The following GFRA1 variants were observed in gnomAD, a reference collection of about 807,000 sequenced individuals.
GFRA1 encodes GDNF family receptor alpha-1.
Under a neutral mutation model 51.6 loss-of-function variants are expected in GFRA1, and 16 were observed. The ratio of observed to expected loss-of-function variants is 0.31; its 90% CI spans 0.21 to 0.47. The LOEUF (loss-of-function observed/expected upper bound fraction) is 0.47, where lower values mean the gene tolerates loss of function less well. GFRA1 is among the 20% of genes least tolerant of loss of function. GFRA1 has a pLI of 1.00. For synonymous variants in GFRA1, 270 were observed against 241.3 expected, an observed-to-expected ratio of 1.12 and a Z score of -1.10; for missense variants, 530 against 594.3, an observed-to-expected ratio of 0.89 and a Z score of 1.13.
At chr10:116,096,301 C>T (rs947750673) in intron 7 of GFRA1, among the ~76,000 whole-genome samples, 17 of 152,046 alleles carry the variant, frequency 1.1e-4, no homozygotes. Context: ...ATTCAATTAA[C>T]TTTGTTTGAC....
intron 5 of GFRA1, among the ~76,000 whole-genome samples, chr10:116,209,721 G>A (rs748848894): frequency 2.7e-5 from 4 of 149,350 alleles, no homozygotes; most frequent in Non-Finnish European, 6.0e-5. Flanking sequence ...TTTAGATTCC[G>A]TCTGTAAGAC....
chr10:116,184,560 CA>C (rs1420609334), intron 5 of GFRA1, among the ~76,000 whole-genome samples: 1 of 152,214 alleles, frequency 6.6e-6, no homozygotes, highest in Non-Finnish European at 1.5e-5. Flanking sequence ...CCAGGGGTGA[CA>C]TCTGGCCACC....
intron 4 of GFRA1, among the ~76,000 whole-genome samples, chr10:116,233,229 G>A (rs1168634919): frequency 6.6e-6 from 1 of 152,050 alleles, no homozygotes; most frequent in Non-Finnish European, 1.5e-5. Context: ...TCAGGAGGCT[G>A]AGGCAGGAGC....
At chr10:116,157,531 C>T (rs531243786) in intron 5 of GFRA1, among the ~76,000 whole-genome samples, 1 of 152,332 alleles carries the variant, frequency 6.6e-6, no homozygotes, top group Non-Finnish European at 1.5e-5. Context: ...TCATTCAAGC[C>T]TTCATGTTTC....
At chr10:116,238,069 C>T (rs577818418) in intron 4 of GFRA1, among the ~76,000 whole-genome samples, 3 of 152,322 alleles carry the variant, frequency 2.0e-5, no homozygotes, top group Admixed American at 1.3e-4. Context: ...AGCTGACACA[C>T]GGAGCCTCGT....
intron 5 of GFRA1, among the ~76,000 whole-genome samples, chr10:116,153,665 T>C (rs1455109635): frequency 2.0e-5 from 3 of 152,128 alleles, no homozygotes; most frequent in Admixed American, 2.0e-4. Context: ...AATGAGAAAC[T>C]ATATTAATGA....
At chr10:116,271,906 G>T in intron 2 of GFRA1, 84 bp downstream of exon 2, 3 of 1,062,284 alleles carry the variant, frequency 2.8e-6, no homozygotes, top group Non-Finnish European at 4.3e-6. Context: ...CCCCAATTTT[G>T]GTGCGGAGGG....
At chr10:116,259,758 T>A (rs890830736) in intron 4 of GFRA1, among the ~76,000 whole-genome samples, 1 of 152,088 alleles carries the variant, frequency 6.6e-6, no homozygotes, top group African/African-American at 2.4e-5. Context: ...GGTTTTGGAG[T>A]CACAGGAACA....
intron 10 of GFRA1, 106 bp downstream of exon 10, chr10:116,065,467 C>G (rs1300560334): frequency 3.4e-6 from 3 of 892,778 alleles, no homozygotes; most frequent in Non-Finnish European, 5.5e-6. Flanking sequence ...TTCTTGTGGA[C>G]TGGATACCTT....
At chr10:116,137,050 T>C (rs1330575231) in intron 5 of GFRA1, among the ~76,000 whole-genome samples, 1 of 152,226 alleles carries the variant, frequency 6.6e-6, no homozygotes. Flanking sequence ...TTCATTTGAA[T>C]GTATGTGTTC....
Position 116,272,076 on chromosome 10 carries a change from C to A in GFRA1, c.-47G>T. 1 of 1,499,358 alleles carries A rather than the reference C, an allele frequency of 6.7e-7. No homozygotes were observed. The highest frequency in any genetic ancestry group is 9.1e-7 in the Non-Finnish European group (1 of 1,101,848). The allele number at this position is 1,499,358 out of a possible 1,614,324, so 92.9% of individuals were successfully genotyped here. On this transcript the variant is annotated 5_prime_UTR_variant, in exon 2 of 11. Coordinates refer to ENST00000355422, the MANE Select transcript of GFRA1 (RefSeq NM_005264.8). This position sits in a 1 kb window ranked among gnomAD's most constrained non-coding sequence, Gnocchi z 4.4. ...CCCGCCCCCCCAAAAAAATCCCGAGCCGCCGCTGGGTCTTGCCGAGGGAGC... is the reference window on the plus strand; with the variant it reads ...CCCGCCCCCCCAAAAAAATCCCGAGACGCCGCTGGGTCTTGCCGAGGGAGC...
intron 5 of GFRA1, among the ~76,000 whole-genome samples, chr10:116,197,043 C>A (rs548477036): frequency 6.6e-6 from 1 of 151,746 alleles, no homozygotes; most frequent in South Asian, 2.1e-4. Flanking sequence ...CTTAGAAGAA[C>A]AACCAGTCCT....
intron 4 of GFRA1, among the ~76,000 whole-genome samples, chr10:116,229,901 A>T (rs1015989260): frequency 1.3e-5 from 2 of 152,088 alleles, no homozygotes; most frequent in Admixed American, 6.5e-5. Context: ...TGGAAAGGAG[A>T]CTGCCCTGCG....
At chr10:116,246,815 G>A (rs1479303698) in intron 4 of GFRA1, among the ~76,000 whole-genome samples, 1 of 152,104 alleles carries the variant, frequency 6.6e-6, no homozygotes, top group Non-Finnish European at 1.5e-5. Flanking sequence ...TCTCAATAAA[G>A]CTGTTACCAA....
At chr10:116,142,490 T>G (rs1010646556) in intron 5 of GFRA1, among the ~76,000 whole-genome samples, 3 of 152,230 alleles carry the variant, frequency 2.0e-5, no homozygotes, top group African/African-American at 7.2e-5. Flanking sequence ...TCCAAAATGT[T>G]ATTTGCAAAT....
At chr10:116,112,397 C>T (rs1225391158) in intron 6 of GFRA1, among the ~76,000 whole-genome samples, 1 of 152,162 alleles carries the variant, frequency 6.6e-6, no homozygotes, top group African/African-American at 2.4e-5. Context: ...TCATTGTCAT[C>T]ATTTAGTTCT....
rs1954583844 is a variant in GFRA1 at position 116,057,197 on chromosome 10, A to T, written c.*7201T>A. The T allele has an allele frequency of 6.6e-6, 1 of 152,212 alleles. No individual in the cohort carries two copies. The highest frequency in any genetic ancestry group is 2.4e-5 in the African/African-American group (1 of 41,448). 9.4% of individuals were successfully genotyped at this position (152,212 alleles called of 1,614,324 possible). The stretch of plus-strand genomic sequence containing the variant: ...AATGCTCCGGTGTCCTCTGGAAAGC[A>T]GATACACAGGACGATGGACAAATGT... On this transcript the variant is annotated 3_prime_UTR_variant, in exon 11 of 11. Coordinates refer to ENST00000355422, the MANE Select transcript of GFRA1 (RefSeq NM_005264.8).
intron 5 of GFRA1, among the ~76,000 whole-genome samples, chr10:116,145,925 T>C (rs186997019): frequency 1.3e-3 from 204 of 152,136 alleles, no homozygotes; most frequent in African/African-American, 4.7e-3. Flanking sequence ...CTCAAAACAA[T>C]GTTTGGAAAT....
Position 116,188,554 on chromosome 10 carries a change from C to T in GFRA1, c.433+23077G>A, listed in dbSNP as rs541796352. ...GAGATGGATGGTGGTGATGGCTGCA[C>T]AACAATGTGAATATACTTAATGCCA... On this transcript the variant is annotated intron_variant, in intron 5 of 10. Transcript: ENST00000355422. 1.2e-4 allele frequency among the ~76,000 whole-genome samples: 19 copies of T among 152,146 alleles called. No individual in the cohort carries two copies. In the South Asian group the frequency reaches 2.9e-3, roughly 23 times the overall value.
Sources: gnomAD v4.1 joint callset for allele counts (sites outside exome capture counted in the v4.1 genomes callset) on GRCh38, gnomAD v4.1.1 for gene constraint, Gnocchi (gnomAD v3.1) non-coding constraint, MANE v1.5 for transcripts, NCBI Gene and HGNC (gene_info 2026-07-23, HGNC 2026-07-21) for gene names.